The following PRKN variants were observed in gnomAD, a reference collection of about 807,000 sequenced individuals.
PRKN encodes the protein parkin RBR E3 ubiquitin protein ligase, also known as E3 ubiquitin-protein ligase parkin.
In PRKN, 56 loss-of-function variants were observed where a neutral mutation model predicts 59.5. The observed-to-expected ratio is 0.94, with a 90% CI of 0.76 to 1.18. The LOEUF is 1.18. Ranked by LOEUF, PRKN falls within the 50% of genes most tolerant of loss-of-function variation. The pLI is 0.00. For synonymous variants in PRKN, 250 were observed against 222.1 expected, an observed-to-expected ratio of 1.13 and a Z score of -1.12; for missense variants, 657 against 596.4, an observed-to-expected ratio of 1.10 and a Z score of -1.06.
chr6:161,633,997 A>ACAC (rs1783414066), intron 7 of PRKN, among the ~76,000 whole-genome samples: 6 of 142,020 alleles, frequency 4.2e-5, no homozygotes, highest in African/African-American at 1.3e-4. Flanking sequence ...GGAAAACTTA[A>ACAC]ACACACACAC....
In PRKN at chr6:162,165,245, A is replaced by G. The variant is rs576186481; in HGVS notation, c.534+35886T>C. Among the ~76,000 whole-genome samples the G allele has an allele frequency of 3.8e-4, 56 of 149,216 alleles. 4 individuals carry two copies. The highest frequency in any genetic ancestry group is 6.8e-4 in the Non-Finnish European group (46 of 67,424). ...AGCTTCTGGAAAAAAAAATAGGAGAATATTTCATGAGTTGGGATTAGGCAA... is the reference window on the plus strand; with the variant it reads ...AGCTTCTGGAAAAAAAAATAGGAGAGTATTTCATGAGTTGGGATTAGGCAA... On this transcript the variant is annotated intron_variant, in intron 4 of 11. Coordinates refer to ENST00000366898, the MANE Select transcript of PRKN (RefSeq NM_004562.3).
rs1779048822 is a variant in PRKN, at chr6:161,527,278, G to A, written c.1083+21576C>T. 6.6e-6 allele frequency among the ~76,000 whole-genome samples: 1 copy of A among 152,214 alleles called. No homozygotes were observed. Among genetic ancestry groups the A allele is most frequent in the Non-Finnish European group, 1.5e-5 (1 of 68,050 alleles). On this transcript the variant is annotated intron_variant, in intron 9 of 11. Transcript: ENST00000366898. This position sits in a 1 kb window ranked among gnomAD's most constrained non-coding sequence, Gnocchi z 4.6. ...TGCCAAAGAAGTACATTCTGGGGTG[G>A]CATGTTCTGGTCTCCTACCATCATA...
chr6:161,961,331 A>G (rs1423524456), intron 6 of PRKN, among the ~76,000 whole-genome samples: 3 of 152,152 alleles, frequency 2.0e-5, no homozygotes, highest in Admixed American at 2.0e-4. Context: ...TTCAGCAGAA[A>G]CGGAAGCTAC....
intron 6 of PRKN, among the ~76,000 whole-genome samples, chr6:161,951,884 T>C (rs1780003324): frequency 1.3e-5 from 2 of 150,048 alleles, no homozygotes; most frequent in Non-Finnish European, 3.0e-5. Context: ...ATCGAGCCAC[T>C]GCCAGCCTGG....
intron 4 of PRKN, among the ~76,000 whole-genome samples, chr6:162,086,587 G>C (rs1460203206): frequency 6.6e-6 from 1 of 152,104 alleles, no homozygotes; most frequent in African/African-American, 2.4e-5. Flanking sequence ...GCCCAAATCA[G>C]GTACTGGAGA....
intron 7 of PRKN, among the ~76,000 whole-genome samples, chr6:161,732,451 GTTC>G (rs1350585477): frequency 6.7e-6 from 1 of 148,732 alleles, no homozygotes; most frequent in Non-Finnish European, 1.5e-5. Context: ...TGTTCTCATT[GTTC>G]AGCTTGCATT....
chr6:162,135,265 G>C (rs540652364), intron 4 of PRKN, among the ~76,000 whole-genome samples: 4 of 152,154 alleles, frequency 2.6e-5, no homozygotes, highest in African/African-American at 9.6e-5. Context: ...GCCTCCCAAA[G>C]TGCTGAGATT....
rs947184873 is a variant in PRKN, at chr6:161,410,323, G to A, written c.1084-23446C>T. ...TCTGGGAGTGGTGGTTGATGTGAGC[G>A]CCATGCTGAGCCCCGCTCATACCCA... On this transcript the variant is annotated intron_variant, in intron 9 of 11. Coordinates refer to ENST00000366898, the MANE Select transcript of PRKN (RefSeq NM_004562.3). This position sits in a 1 kb window ranked among gnomAD's most constrained non-coding sequence, Gnocchi z 5.3. Among the ~76,000 whole-genome samples, 2 of 152,132 alleles carry A rather than the reference G, an allele frequency of 1.3e-5. No individual in the cohort carries two copies. Among genetic ancestry groups the A allele is most frequent in the Non-Finnish European group, 2.9e-5 (2 of 68,028 alleles).
chr6:162,135,124 T>C (rs1203724743), intron 4 of PRKN, among the ~76,000 whole-genome samples: 1 of 152,026 alleles, frequency 6.6e-6, no homozygotes, highest in African/African-American at 2.4e-5. Flanking sequence ...AATAATAAAA[T>C]ATTAGTTTTG....
chr6:161,984,854 CT>C (rs1200719279), intron 5 of PRKN, among the ~76,000 whole-genome samples: 3 of 152,212 alleles, frequency 2.0e-5, no homozygotes, highest in African/African-American at 7.2e-5. Context: ...AAGTTCCACG[CT>C]GCACAGCCTC....
chr6:161,444,992 C>A lies in PRKN; in HGVS notation c.1084-58115G>T, dbSNP rs1789417976. 6.6e-6 allele frequency among the ~76,000 whole-genome samples: 1 copy of A among 151,904 alleles called. No individual in the cohort carries two copies. Among genetic ancestry groups the A allele is most frequent in the Admixed American group, 6.6e-5 (1 of 15,254 alleles). ...CTAAAAAGGGCATTTGGCACAATATCTTTTTTTGTTTTTTTAATCTCTAGG... is the reference window on the plus strand; with the variant it reads ...CTAAAAAGGGCATTTGGCACAATATATTTTTTTGTTTTTTTAATCTCTAGG... On this transcript the variant is annotated intron_variant, in intron 9 of 11. Transcript: ENST00000366898. This position sits in a 1 kb window ranked among gnomAD's most constrained non-coding sequence, Gnocchi z 5.6.
At chr6:162,697,781 C>T (rs977708459) in intron 1 of PRKN, among the ~76,000 whole-genome samples, 1 of 152,098 alleles carries the variant, frequency 6.6e-6, no homozygotes, top group African/African-American at 2.4e-5. Context: ...TTTGAAAATA[C>T]CATTTTTTAG....
At chr6:162,504,752 C>T (rs1793530027) in intron 1 of PRKN, among the ~76,000 whole-genome samples, 1 of 151,960 alleles carries the variant, frequency 6.6e-6, no homozygotes, top group South Asian at 2.1e-4. Context: ...AAACTATAAC[C>T]CAAGTGAAGA....
intron 2 of PRKN, among the ~76,000 whole-genome samples, chr6:162,310,537 T>C (rs1411252595): frequency 6.6e-6 from 1 of 151,830 alleles, no homozygotes; most frequent in East Asian, 1.9e-4. Context: ...CATTCTGACC[T>C]CCAGAAGTCT....
intron 10 of PRKN, among the ~76,000 whole-genome samples, chr6:161,384,851 G>A (rs1786157768): frequency 6.6e-6 from 1 of 152,164 alleles, no homozygotes; most frequent in African/African-American, 2.4e-5. Flanking sequence ...GCATATTACT[G>A]TAATTACGAT....
At position 162,593,399 on chromosome 6, in the gene PRKN, T is replaced by A. The variant is rs117734457; in HGVS notation, c.7+134263A>T. 2.0e-5 allele frequency among the ~76,000 whole-genome samples: 3 copies of A among 152,336 alleles called. No homozygotes were observed. In the East Asian group the frequency reaches 5.8e-4, roughly 29 times the overall value. ...AGCCCTTGGTGGAATGCTACATATCTGGAAAACAATCTATCAATATCAATA... is the reference window on the plus strand; with the variant it reads ...AGCCCTTGGTGGAATGCTACATATCAGGAAAACAATCTATCAATATCAATA... On this transcript the variant is annotated intron_variant, in intron 1 of 11. Transcript: ENST00000366898.
chr6:161,822,525 A>C (rs1792073602), intron 6 of PRKN, among the ~76,000 whole-genome samples: 1 of 152,196 alleles, frequency 6.6e-6, no homozygotes, highest in African/African-American at 2.4e-5. Context: ...AAAATACAAA[A>C]ATCAGCCAGG....
chr6:161,542,104 C>T (rs1779636468), intron 9 of PRKN, among the ~76,000 whole-genome samples: 1 of 152,182 alleles, frequency 6.6e-6, no homozygotes, highest in African/African-American at 2.4e-5. Context: ...TGGCGATCTA[C>T]TTCCATTTAG....
chr6:161,979,699 C>T (rs1412190429), intron 5 of PRKN, among the ~76,000 whole-genome samples: 1 of 152,196 alleles, frequency 6.6e-6, no homozygotes, highest in Non-Finnish European at 1.5e-5. Flanking sequence ...TTCCATTCTT[C>T]TCTTTCATCA....
Sources: allele counts gnomAD v4.1 joint callset (sites outside exome capture counted in the v4.1 genomes callset), GRCh38; gene constraint gnomAD v4.1.1; non-coding constraint Gnocchi (gnomAD v3.1); transcripts MANE v1.5; gene names NCBI Gene and HGNC (gene_info 2026-07-23, HGNC 2026-07-21).